MTR: variants seen among roughly 807,000 people sequenced by gnomAD.
MTR encodes the protein 5-methyltetrahydrofolate-homocysteine methyltransferase.
A neutral mutation model predicts 154.8 loss-of-function variants in MTR; 84 were observed. That is an observed-to-expected ratio of 0.54 (90% CI 0.45 to 0.65). The LOEUF (loss-of-function observed/expected upper bound fraction) is 0.65. Ranked by LOEUF, MTR falls within the 30% of genes least tolerant of loss-of-function variation. MTR has a pLI of 0.00. For synonymous variants in MTR, 554 were observed against 553.9 expected (o/e 1.00, Z 0.00); for missense variants, 1,275 against 1,570.2 (o/e 0.81, Z 3.18).
At chr1:236,827,004 A>T in intron 11 of MTR, 108 bp downstream of exon 11, 1 of 1,014,290 alleles carries the variant, frequency 9.9e-7, no homozygotes, top group African/African-American at 1.6e-5. Context: ...CAAAATTTGT[A>T]TGTTGAAGTT....
chr1:236,800,106 C>G, intron 1 of MTR: 1 of 985,330 alleles, frequency 1.0e-6, no homozygotes, highest in Non-Finnish European at 1.2e-6. Flanking sequence ...AGTACTAAGA[C>G]TTTTTATGAA....
intron 4 of MTR, among the ~76,000 whole-genome samples, chr1:236,810,234 C>T (rs902819812): frequency 2.0e-5 from 3 of 152,146 alleles, no homozygotes; most frequent in Non-Finnish European, 4.4e-5. Context: ...GGATCTGGGG[C>T]AGCCCCATGA....
At chr1:236,887,412 G>A (rs758747741) in intron 27 of MTR, among the ~76,000 whole-genome samples, 1 of 152,130 alleles carries the variant, frequency 6.6e-6, no homozygotes, top group Non-Finnish European at 1.5e-5. Flanking sequence ...GTAAAAAAAG[G>A]AGTTACTTTT....
chr1:236,896,626 G>A (rs978267347), intron 31 of MTR, among the ~76,000 whole-genome samples: 1 of 152,188 alleles, frequency 6.6e-6, no homozygotes, highest in African/African-American at 2.4e-5. Flanking sequence ...ATCAGTGGCC[G>A]CACAGAGCCG....
Position 236,795,417 on chromosome 1 carries a change from C to T in MTR, c.-287C>T. ...GCCGTCCCGCGACTCCGCCTCTGGC[C>T]GCGCGTGTCTGGCTGCTAGGCCGAC... On this transcript the variant is annotated 5_prime_UTR_variant, in exon 1 of 33. Coordinates refer to ENST00000366577, the MANE Select transcript of MTR (RefSeq NM_000254.3). 1.4e-6 allele frequency: 2 copies of T among 1,464,108 alleles called. No homozygotes were observed. Among genetic ancestry groups the T allele is most frequent in the Non-Finnish European group, 1.8e-6 (2 of 1,100,518 alleles). The allele number at this position is 1,464,108 out of a possible 1,614,324, so 90.7% of individuals were successfully genotyped here. A position where few individuals can be genotyped will look rare whatever the true frequency, so the allele number is the denominator to read the frequency against.
At chr1:236,840,575 A>G (rs545395287) in intron 15 of MTR, among the ~76,000 whole-genome samples, 3 of 152,324 alleles carry the variant, frequency 2.0e-5, no homozygotes, top group South Asian at 2.1e-4. Context: ...AGGAAGCCAC[A>G]TGGCCACGTG....
At chr1:236,893,987 A>G (rs1450204934) in intron 29 of MTR, among the ~76,000 whole-genome samples, 1 of 150,328 alleles carries the variant, frequency 6.7e-6, no homozygotes, top group African/African-American at 2.5e-5. Context: ...AATTGAAAAC[A>G]CTTGGGGACA....
chr1:236,894,617 G>C, intron 30 of MTR, 60 bp downstream of exon 30: 1 of 1,592,788 alleles, frequency 6.3e-7, no homozygotes, highest in Non-Finnish European at 8.6e-7. Context: ...AGGGAGCCTG[G>C]GGTGGGTGCC....
rs146408127 is a variant in MTR, at chr1:236,895,904, A to T, written c.3598+354A>T. Among the ~76,000 whole-genome samples the T allele has an allele frequency of 2.7e-3, 411 of 152,284 alleles. 1 individual carries two copies. The highest frequency in any genetic ancestry group is 9.3e-3 in the African/African-American group (388 of 41,562). ...TAGAGACCGACCTTTGTCCCTCAGTAATGTCACTTTGCTTCATGCTCTTGT... is the reference window on the plus strand; with the variant it reads ...TAGAGACCGACCTTTGTCCCTCAGTTATGTCACTTTGCTTCATGCTCTTGT... On this transcript the variant is annotated intron_variant, in intron 31 of 32. Transcript: ENST00000366577.
At chr1:236,821,517 C>T (rs1177063833) in intron 8 of MTR, among the ~76,000 whole-genome samples, 1 of 152,148 alleles carries the variant, frequency 6.6e-6, no homozygotes, top group African/African-American at 2.4e-5. Flanking sequence ...TGTGGTTTGT[C>T]TTCTCATGTA....
chr1:236,850,340 C>G lies in MTR; in HGVS notation c.1516-4C>G. On this transcript the variant is annotated splice_region_variant and splice_polypyrimidine_tract_variant and intron_variant, in intron 15 of 32. Coordinates refer to ENST00000366577, the MANE Select transcript of MTR (RefSeq NM_000254.3). Reference sequence around the variant, plus strand: ...CAAACTACATCTTTTGCTCTTTTCCCTAGGCAACAGAAACAGACACAAAAA... The same window carrying G: ...CAAACTACATCTTTTGCTCTTTTCCGTAGGCAACAGAAACAGACACAAAAA... 6.2e-7 allele frequency: 1 copy of G among 1,609,858 alleles called. No homozygotes were observed. The highest frequency in any genetic ancestry group is 1.1e-5 in the South Asian group (1 of 90,518).
Position 236,850,464 on chromosome 1 carries a change from G to A in MTR, c.1636G>A (p.Gly546Arg). 1.2e-6 allele frequency: 2 copies of A among 1,613,678 alleles called. No homozygotes were observed. Among genetic ancestry groups the A allele is most frequent in the Non-Finnish European group, 1.7e-6 (2 of 1,179,862 alleles). ...CCCTAATATCCTAACCATTGGGACT[G>A]GAATGGAGGAACACAACTTGTATGC... is the stretch of plus-strand genomic sequence containing the variant. ...FDPNILTIGT[G>R]MEEHNLYAIN... Residue 546 changes from glycine to arginine, a missense_variant, in exon 16 of 33, where the codon GGA (glycine) becomes AGA (arginine). Physicochemically the swap from Gly to Arg is moderately radical, Grantham distance 125. Coordinates refer to ENST00000366577, the MANE Select transcript of MTR (RefSeq NM_000254.3).
intron 22 of MTR, among the ~76,000 whole-genome samples, chr1:236,871,482 G>A (rs1470164483): frequency 1.3e-5 from 2 of 151,732 alleles, no homozygotes; most frequent in South Asian, 2.1e-4. Context: ...TCATACTGAT[G>A]CGTTTTAGTT....
At position 236,897,836 on chromosome 1, in the gene MTR, G is replaced by T; in HGVS notation, c.*192G>T. On this transcript the variant is annotated 3_prime_UTR_variant, in exon 33 of 33. Coordinates refer to ENST00000366577, the MANE Select transcript of MTR (RefSeq NM_000254.3). ...TTCCTGCAGTGCCTGGAAAACAGGC[G>T]CTGTTTTTTTGGGACCTTGCGTGAA... is the stretch of plus-strand genomic sequence containing the variant. 2 of 612,426 alleles carry T rather than the reference G, an allele frequency of 3.3e-6. No individual in the cohort carries two copies. The highest frequency in any genetic ancestry group is 3.0e-5 in the Admixed American group (1 of 33,852). The allele number at this position is 612,426 out of a possible 1,614,324, so 37.9% of individuals were successfully genotyped here. A position where few individuals can be genotyped will look rare whatever the true frequency, so the allele number is the denominator to read the frequency against.
Position 236,824,120 on chromosome 1 carries a change from A to G in MTR, c.766A>G (p.Ile256Val), listed in dbSNP as rs1662146352. The change falls in exon 9 of 33, where the codon ATT (isoleucine) becomes GTT (valine). Residue 256 changes from isoleucine to valine, a missense_variant and splice_region_variant. Ile to Val is a conservative substitution (Grantham distance 29). Coordinates refer to ENST00000366577, the MANE Select transcript of MTR (RefSeq NM_000254.3). ...AATATGTTTTTTCTGTTTTTCTAGC[A>G]TTGGATTAAATTGTGCTTTGGGTGC... ...ISVSHGEPLC[I>V]GLNCALGAAE... 1 of 1,613,050 alleles carries G rather than the reference A, an allele frequency of 6.2e-7. No homozygotes were observed. Among genetic ancestry groups the G allele is most frequent in the Non-Finnish European group, 8.5e-7 (1 of 1,179,198 alleles).
At chr1:236,832,164 A>G in intron 13 of MTR, 86 bp downstream of exon 13, 1 of 1,061,962 alleles carries the variant, frequency 9.4e-7, no homozygotes, top group Non-Finnish European at 1.5e-6. Context: ...TGCCTTTGAT[A>G]GTGTTATTAG....
intron 22 of MTR, among the ~76,000 whole-genome samples, chr1:236,867,811 A>G (rs1364574195): frequency 6.6e-6 from 1 of 152,236 alleles, no homozygotes; most frequent in Admixed American, 6.5e-5. Flanking sequence ...AACCAGAATT[A>G]AAAGTGGAGC....
rs1198918767 is a variant in MTR, at chr1:236,803,514, A to C, written c.121A>C (p.Ile41Leu). The change falls in exon 2 of 33, where the codon ATC (isoleucine) becomes CTC (leucine). Residue 41 changes from isoleucine (I) to leucine (L), a missense_variant. Transcript: ENST00000366577. The stretch of plus-strand genomic sequence containing the variant: ...GCTGGATGGAGGGATGGGGACCATG[A>C]TCCAGCGGGAGAAGCTAAACGAAGA... ...MVLDGGMGTM[I>L]QREKLNEEHF... is the part of the protein sequence containing the mutation. 1.2e-6 allele frequency: 2 copies of C among 1,614,204 alleles called. No homozygotes were observed. Among genetic ancestry groups the C allele is most frequent in the East Asian group, 2.2e-5 (1 of 44,886 alleles).
At chr1:236,820,473 A>G (rs1890513) in intron 8 of MTR, 37,915 of 1,398,042 alleles carry the variant, frequency 0.027, 1,730 homozygotes, top group African/African-American at 0.17. Context: ...TGCAGCTCCC[A>G]CTGCTCAGGC....
Sources: gnomAD v4.1 joint callset for allele counts (sites outside exome capture counted in the v4.1 genomes callset) on GRCh38, gnomAD v4.1.1 for gene constraint, MANE v1.5 for transcripts, NCBI Gene and HGNC (gene_info 2026-07-23, HGNC 2026-07-21) for gene names.